Variants in FZD6 observed in about 807,000 individuals in gnomAD.
FZD6 encodes frizzled class receptor 6.
Under a neutral mutation model 61.4 loss-of-function variants are expected in FZD6, and 49 were observed. The ratio of observed to expected loss-of-function variants is 0.80; its 90% CI spans 0.63 to 1.01. FZD6 has a LOEUF of 1.01. Among genes scored for constraint, FZD6 ranks in the 50% least tolerant of loss-of-function variants. The pLI, the probability that FZD6 is intolerant of heterozygous loss-of-function variation, is 0.00. For missense variants in FZD6, 724 were observed against 848.2 expected, an observed-to-expected ratio of 0.85 and a Z score of 1.82; for synonymous variants, 265 against 292.2, an observed-to-expected ratio of 0.91 and a Z score of 0.95.
At chr8:103,300,353 A>G in intron 2 of FZD6, 69 bp downstream of exon 2, 1 of 1,138,548 alleles carries the variant, frequency 8.8e-7, no homozygotes, top group South Asian at 1.2e-5. Context: ...TAGTAAAAAT[A>G]AGTCTATTTT....
intron 2 of FZD6, among the ~76,000 whole-genome samples, chr8:103,306,679 A>T (rs1814341481): frequency 1.3e-5 from 2 of 150,618 alleles, no homozygotes; most frequent in Admixed American, 6.6e-5. Context: ...ATTTTTTTGT[A>T]TTTTTTTAGT....
chr8:103,306,138 ACT>A (rs1205395935), intron 2 of FZD6, among the ~76,000 whole-genome samples: 4 of 152,198 alleles, frequency 2.6e-5, no homozygotes, highest in African/African-American at 9.7e-5. Flanking sequence ...TTCCAAAGGT[ACT>A]CTCTTCTGGA....
Position 103,332,623 on chromosome 8 carries a change from A to G in FZD6, c.*1114A>G, listed in dbSNP as rs1192472063. 4.6e-5 allele frequency: 7 copies of G among 152,550 alleles called. No individual in the cohort carries two copies. Among genetic ancestry groups the G allele is most frequent in the Non-Finnish European group, 8.8e-5 (6 of 67,996 alleles). 9.4% of individuals were successfully genotyped at this position (152,550 alleles called of 1,614,324 possible). ...CTTTAAAATATTAAGGAGTTTTCTT[A>G]ATTTTGTTTCCTATTAAGTATTATT... is the stretch of plus-strand genomic sequence containing the variant. On this transcript the variant is annotated 3_prime_UTR_variant, in exon 7 of 7. Transcript: ENST00000358755.
rs182035578 is a variant in FZD6, at chr8:103,317,757, C to A, written c.178-833C>A. On this transcript the variant is annotated intron_variant, in intron 2 of 6. Transcript: ENST00000358755. ...AGGAGAATTGCTTGAACCTGGGAGG[C>A]AGAGGTTGTGGTGAGCTGAGATTAT... Among the ~76,000 whole-genome samples, 389 of 148,644 alleles carry A rather than the reference C, an allele frequency of 2.6e-3. 8 individuals are homozygous for A. Among genetic ancestry groups the A allele is most frequent in the Non-Finnish European group, 8.1e-4 (55 of 67,518 alleles).
At chr8:103,314,389 C>G (rs1814575929) in intron 2 of FZD6, among the ~76,000 whole-genome samples, 2 of 152,112 alleles carry the variant, frequency 1.3e-5, no homozygotes, top group South Asian at 4.1e-4. Context: ...GAGTTTACCA[C>G]AGTTTACTAG....
Position 103,330,026 on chromosome 8 carries a change from A to G in FZD6, c.1913A>G (p.Gln638Arg). The G allele has an allele frequency of 6.2e-7, 1 of 1,614,148 alleles. No individual in the cohort carries two copies. Residue 638 changes from glutamine to arginine, a missense_variant, in exon 6 of 7, where the codon CAG becomes CGG. Physicochemically the swap from Gln to Arg is conservative, Grantham distance 43. Transcript: ENST00000358755. ...GGGGAACAGGTCGACGGGAAGGGCC[A>G]GGCAGGCAGTGTATCTGAAAGTGCG... ...LSGEQVDGKG[Q>R]AGSVSESARS...
rs753667894 is a variant in FZD6 at position 103,324,615 on chromosome 8, G to C, written c.509G>C (p.Gly170Ala). 2.5e-6 allele frequency: 4 copies of C among 1,614,144 alleles called. No homozygotes were observed. In the South Asian group the frequency reaches 4.4e-5, roughly 18 times the overall value. Reference protein sequence around the residue: ...WCPRHLKTSGGQGYKFLGIDQ... With the variant: ...WCPRHLKTSGAQGYKFLGIDQ... ...CCAAGGCATCTTAAGACTTCTGGGG[G>C]ACAAGGATATAAGTTTCTGGGAATT... is the stretch of plus-strand genomic sequence containing the variant. Residue 170 changes from glycine (G) to alanine (A), a missense_variant, in exon 4 of 7, where the codon GGA becomes GCA. Gly to Ala is a moderately conservative substitution (Grantham distance 60). Transcript: ENST00000358755.
chr8:103,311,092 A>T (rs561538576), intron 2 of FZD6, among the ~76,000 whole-genome samples: 1 of 152,308 alleles, frequency 6.6e-6, no homozygotes, highest in Admixed American at 6.5e-5. Context: ...AAATGTAAGG[A>T]GGAGCAAAGG....
At chr8:103,317,270 A>G (rs1814650460) in intron 2 of FZD6, among the ~76,000 whole-genome samples, 2 of 152,246 alleles carry the variant, frequency 1.3e-5, no homozygotes, top group Non-Finnish European at 2.9e-5. Context: ...ATAAGAGACA[A>G]AGTGGTCAGA....
Position 103,329,785 on chromosome 8 carries a change from A to T in FZD6, c.1672A>T (p.Met558Leu), listed in dbSNP as rs1208095664. The T allele has an allele frequency of 6.2e-7, 1 of 1,614,178 alleles. No homozygotes were observed. The highest frequency in any genetic ancestry group is 2.2e-5 in the East Asian group (1 of 44,890). The part of the protein sequence containing the change: ...SHKLKVISKS[M>L]GTSTGATANH... ...CAAGCTGAAGGTCATTTCCAAATCCATGGGAACCAGCACAGGAGCTACAGC... is the reference window on the plus strand; with the variant it reads ...CAAGCTGAAGGTCATTTCCAAATCCTTGGGAACCAGCACAGGAGCTACAGC... Residue 558 changes from methionine to leucine, a missense_variant, in exon 6 of 7, where the codon ATG becomes TTG. Physicochemically the swap from Met to Leu is conservative, Grantham distance 15. Transcript: ENST00000358755.
In FZD6 at chr8:103,331,369, A is replaced by C; in HGVS notation, c.1981A>C (p.Thr661Pro). The C allele has an allele frequency of 6.2e-7, 1 of 1,613,006 alleles. No individual in the cohort carries two copies. Among genetic ancestry groups the C allele is most frequent in the Non-Finnish European group, 8.5e-7 (1 of 1,179,006 alleles). Residue 661 changes from threonine (T) to proline (P), a missense_variant, in exon 7 of 7, where the codon ACT becomes CCT. By Grantham distance (38) the Thr-to-Pro change is conservative (BLOSUM62 -1). Coordinates refer to ENST00000358755, the MANE Select transcript of FZD6 (RefSeq NM_003506.4). Reference sequence around the variant, plus strand: ...TAGTCCAAAGAGTGATATTACTGACACTGGCCTGGCACAGAGCAACAATTT... The same window carrying C: ...TAGTCCAAAGAGTGATATTACTGACCCTGGCCTGGCACAGAGCAACAATTT... ...RISPKSDITDTGLAQSNNLQV... is the reference protein window; with the variant it reads ...RISPKSDITDPGLAQSNNLQV...
intron 3 of FZD6, among the ~76,000 whole-genome samples, chr8:103,324,217 T>G (rs1341228933): frequency 6.6e-6 from 1 of 152,180 alleles, no homozygotes; most frequent in Admixed American, 6.5e-5. Context: ...AATTGGCTAA[T>G]TTTTTCCAAG....
intron 5 of FZD6, among the ~76,000 whole-genome samples, chr8:103,329,332 T>C (rs1439801298): frequency 2.0e-5 from 3 of 151,802 alleles, no homozygotes; most frequent in South Asian, 4.1e-4. Flanking sequence ...TACATATTTA[T>C]ATATTATACA....
chr8:103,304,307 CT>C (rs1437671969), intron 2 of FZD6, among the ~76,000 whole-genome samples: 1 of 152,160 alleles, frequency 6.6e-6, no homozygotes, highest in Non-Finnish European at 1.5e-5. Flanking sequence ...CATTTTTAAT[CT>C]GTGATTATAT....
At chr8:103,318,398 C>T (rs1814689705) in intron 2 of FZD6, among the ~76,000 whole-genome samples, 192 bp from the exon 3 acceptor site, 1 of 152,086 alleles carries the variant, frequency 6.6e-6, no homozygotes, top group African/African-American at 2.4e-5. Flanking sequence ...TCCATGTCTT[C>T]TTGAAAAATA....
chr8:103,315,555 A>G (rs144942080), intron 2 of FZD6, among the ~76,000 whole-genome samples: 67 of 152,288 alleles, frequency 4.4e-4, no homozygotes, highest in African/African-American at 1.5e-3. Flanking sequence ...TATAGAAAAT[A>G]CCACTCCGCA....
rs976438528 is a variant in FZD6 at position 103,318,784 on chromosome 8, C to T, written c.372C>T (p.Asp124=). ...GIRWPEELEC[D]RLQYCDETVP... ...GATGGCCTGAGGAGCTTGAATGTGA[C>T]AGGTAAACAATGTTTTTCATGGAAA... The change falls in exon 3 of 7, where the codon GAC becomes GAT. Residue 124 remains aspartate (D), a splice_region_variant and synonymous_variant. Transcript: ENST00000358755. The T allele has an allele frequency of 6.4e-7, 1 of 1,573,484 alleles. No homozygotes were observed. Among genetic ancestry groups the T allele is most frequent in the Non-Finnish European group, 8.7e-7 (1 of 1,143,278 alleles).
intron 2 of FZD6, among the ~76,000 whole-genome samples, chr8:103,310,754 G>A (rs1267344206): frequency 6.6e-6 from 1 of 152,174 alleles, no homozygotes; most frequent in Non-Finnish European, 1.5e-5. Context: ...TGTTCATGGG[G>A]CATATCATTC....
intron 2 of FZD6, among the ~76,000 whole-genome samples, chr8:103,312,511 G>A (rs188109030): frequency 1.4e-3 from 217 of 152,288 alleles, no homozygotes; most frequent in Non-Finnish European, 2.5e-3. Flanking sequence ...GGCACTTAAC[G>A]TGCTAAATCC....
Sources: gnomAD v4.1 joint callset for allele counts (sites outside exome capture counted in the v4.1 genomes callset) on GRCh38, gnomAD v4.1.1 for gene constraint, MANE v1.5 for transcripts, NCBI Gene and HGNC (gene_info 2026-07-23, HGNC 2026-07-21) for gene names.